Variants in GRM7 observed in about 807,000 individuals in gnomAD.
GRM7 encodes glutamate metabotropic receptor 7.
A neutral mutation model predicts 84.5 loss-of-function variants in GRM7; 35 were observed. The ratio of observed to expected loss-of-function variants is 0.41; its 90% CI spans 0.32 to 0.55. The LOEUF is 0.55. Among genes scored for constraint, GRM7 ranks in the 20% least tolerant of loss-of-function variants. GRM7 has a pLI of 0.19. For synonymous variants in GRM7, 487 were observed against 455.1 expected, an observed-to-expected ratio of 1.07 and a Z score of -0.89; for missense variants, 1,003 against 1,194.6, an observed-to-expected ratio of 0.84 and a Z score of 2.36.
chr3:7,465,018 C>T (rs1180436744), intron 7 of GRM7, among the ~76,000 whole-genome samples: 3 of 152,070 alleles, frequency 2.0e-5, no homozygotes, highest in African/African-American at 7.2e-5. Flanking sequence ...GACACAATTC[C>T]ATTCCGTCTA....
chr3:7,028,702 G>T (rs143074577), intron 1 of GRM7, among the ~76,000 whole-genome samples: 12 of 152,236 alleles, frequency 7.9e-5, no homozygotes, highest in African/African-American at 2.9e-4. Context: ...ATGAAAAGAT[G>T]ATCAACATGA....
At chr3:7,135,936 T>C (rs1693755504) in intron 1 of GRM7, among the ~76,000 whole-genome samples, 1 of 152,026 alleles carries the variant, frequency 6.6e-6, no homozygotes, top group Non-Finnish European at 1.5e-5. Context: ...CTAGAAGACA[T>C]CTGTACTTGA....
intron 2 of GRM7, among the ~76,000 whole-genome samples, chr3:7,205,940 A>C (rs765230599): frequency 4.6e-5 from 7 of 152,208 alleles, no homozygotes; most frequent in Admixed American, 6.5e-5. Context: ...GTCATTCTTA[A>C]AATTTCCCTC....
intron 2 of GRM7, among the ~76,000 whole-genome samples, chr3:7,201,152 G>T (rs1054821979): frequency 6.6e-6 from 1 of 151,632 alleles, no homozygotes; most frequent in African/African-American, 2.4e-5. Context: ...TGTATTTTTA[G>T]TAGAGACAGC....
At chr3:7,195,289 G>T (rs1204751311) in intron 2 of GRM7, among the ~76,000 whole-genome samples, 1 of 152,162 alleles carries the variant, frequency 6.6e-6, no homozygotes, top group Non-Finnish European at 1.5e-5. Flanking sequence ...AAGCCAGCAA[G>T]ACTGCCTCTG....
chr3:7,070,462 T>A (rs143386137), intron 1 of GRM7, among the ~76,000 whole-genome samples: 113 of 152,264 alleles, frequency 7.4e-4, no homozygotes, highest in African/African-American at 2.6e-3. Flanking sequence ...CTAATAAACT[T>A]ATTTTTATTT....
At chr3:7,309,698 T>A (rs1700324061) in intron 4 of GRM7, among the ~76,000 whole-genome samples, 1 of 152,168 alleles carries the variant, frequency 6.6e-6, no homozygotes, top group South Asian at 2.1e-4. Flanking sequence ...TCTTTGAAAG[T>A]GGCCTTTCTC....
At chr3:7,079,094 A>G (rs1698193128) in intron 1 of GRM7, among the ~76,000 whole-genome samples, 1 of 152,104 alleles carries the variant, frequency 6.6e-6, no homozygotes, top group Admixed American at 6.6e-5. Context: ...AGTAAAGTGA[A>G]TTATGTTCTC....
intron 7 of GRM7, among the ~76,000 whole-genome samples, chr3:7,501,753 A>ACAG (rs1462057314): frequency 2.0e-5 from 3 of 152,184 alleles, no homozygotes; most frequent in African/African-American, 7.2e-5. Flanking sequence ...AGCTATTTGA[A>ACAG]CAGCTTTTGC....
At chr3:7,384,263 T>TGGTG (rs1423716346) in intron 4 of GRM7, among the ~76,000 whole-genome samples, 1 of 152,080 alleles carries the variant, frequency 6.6e-6, no homozygotes. Flanking sequence ...TCCTGACCTC[T>TGGTG]GGTGACCTGC....
At chr3:7,295,834 G>C (rs185725974) in intron 2 of GRM7, among the ~76,000 whole-genome samples, 11 of 151,052 alleles carry the variant, frequency 7.3e-5, no homozygotes, top group Admixed American at 6.6e-4. Flanking sequence ...TTTTGGGGGG[G>C]GGATTTCTCT....
chr3:7,287,444 G>A (rs1298510740), intron 2 of GRM7, among the ~76,000 whole-genome samples: 2 of 152,080 alleles, frequency 1.3e-5, no homozygotes, highest in Non-Finnish European at 2.9e-5. Context: ...CAACTCAGTC[G>A]ATCTTCTGGG....
intron 2 of GRM7, among the ~76,000 whole-genome samples, chr3:7,297,091 T>G (rs540829928): frequency 6.6e-6 from 1 of 152,264 alleles, no homozygotes; most frequent in East Asian, 1.9e-4. Context: ...ATGTTTACGT[T>G]GCTGATTTTA....
chr3:7,338,340 TGGG>T (rs1197910381), intron 4 of GRM7, among the ~76,000 whole-genome samples: 1 of 151,762 alleles, frequency 6.6e-6, no homozygotes, highest in Non-Finnish European at 1.5e-5. Flanking sequence ...TCTGGGGACT[TGGG>T]GGGAAGTGTG....
chr3:7,447,915 A>T (rs1365835462), intron 5 of GRM7, among the ~76,000 whole-genome samples: 1 of 96,496 alleles, frequency 1.0e-5, no homozygotes, highest in African/African-American at 4.0e-5. Flanking sequence ...CCACCCCACA[A>T]CAGTCCCCGG....
At chr3:7,509,821 T>C (rs1700144711) in intron 7 of GRM7, among the ~76,000 whole-genome samples, 1 of 126,618 alleles carries the variant, frequency 7.9e-6, no homozygotes, top group African/African-American at 3.0e-5. Context: ...ACCTCCAAAA[T>C]CTAAGTATCA....
At chr3:7,017,401 T>C (rs1695603630) in intron 1 of GRM7, among the ~76,000 whole-genome samples, 1 of 152,186 alleles carries the variant, frequency 6.6e-6, no homozygotes, top group Non-Finnish European at 1.5e-5. Context: ...AAACAAGTTT[T>C]ATTGTTAAAA....
rs569475908 is a variant in GRM7 at position 7,687,172 on chromosome 3, G to A, written c.2698+6877G>A. Among the ~76,000 whole-genome samples, 25 of 152,232 alleles carry A rather than the reference G, an allele frequency of 1.6e-4. No individual in the cohort carries two copies. In the South Asian group the frequency reaches 5.2e-3, roughly 32 times the overall value. On this transcript the variant is annotated intron_variant, in intron 9 of 9. Coordinates refer to ENST00000357716, the MANE Select transcript of GRM7 (RefSeq NM_000844.4). ...GGTCTAAAGATTAGTTTGAACATTG[G>A]TTATACCCAAGAAATACCAATAAAT...
chr3:7,211,414 C>A (rs1007105855), intron 2 of GRM7, among the ~76,000 whole-genome samples: 11 of 152,070 alleles, frequency 7.2e-5, no homozygotes, highest in African/African-American at 2.4e-4. Context: ...GAGAGCCAGA[C>A]AATGATAAAC....
Sources: allele counts gnomAD v4.1 joint callset (sites outside exome capture counted in the v4.1 genomes callset), GRCh38; gene constraint gnomAD v4.1.1; transcripts MANE v1.5; gene names NCBI Gene and HGNC (gene_info 2026-07-23, HGNC 2026-07-21).